PPM1H: variants seen among roughly 807,000 people sequenced by gnomAD.
PPM1H encodes the protein protein phosphatase 1H.
Under a neutral mutation model 54.9 loss-of-function variants are expected in PPM1H, and 27 were observed. The ratio of observed to expected loss-of-function variants is 0.49; its 90% CI spans 0.36 to 0.68. The LOEUF (loss-of-function observed/expected upper bound fraction) is 0.68, where lower values mean the gene tolerates loss of function less well. Ranked by LOEUF, PPM1H falls within the 30% of genes least tolerant of loss-of-function variation. The pLI, the probability that PPM1H is intolerant of heterozygous loss-of-function variation, is 0.00. For missense variants in PPM1H, 596 were observed against 667.8 expected (o/e 0.89, Z 1.19); for synonymous variants, 305 against 270.8 (o/e 1.13, Z -1.24).
intron 9 of PPM1H, among the ~76,000 whole-genome samples, chr12:62,649,522 C>A (rs971939472): frequency 1.3e-5 from 2 of 152,160 alleles, no homozygotes; most frequent in African/African-American, 4.8e-5. Flanking sequence ...TATCCAAACA[C>A]TGACCAGAGC....
intron 2 of PPM1H, among the ~76,000 whole-genome samples, chr12:62,809,927 T>C (rs924484795): frequency 7.9e-5 from 12 of 152,098 alleles, no homozygotes; most frequent in Admixed American, 6.5e-4. Context: ...CTTGGAAAAC[T>C]ATCCTTCGGT....
chr12:62,720,134 C>T (rs1258398833), intron 6 of PPM1H, 37 bp downstream of exon 6: 1 of 1,497,244 alleles, frequency 6.7e-7, no homozygotes, highest in Non-Finnish European at 9.3e-7. Context: ...TTCACACACA[C>T]TGTGTGGTTC....
At chr12:62,737,377 T>C in intron 5 of PPM1H, 125 bp downstream of exon 5, 1 of 562,810 alleles carries the variant, frequency 1.8e-6, no homozygotes, top group South Asian at 2.6e-5. Context: ...TGTGGGGGAG[T>C]TAATACCATA....
chr12:62,772,076 C>A (rs2076582663), intron 4 of PPM1H, among the ~76,000 whole-genome samples: 1 of 152,172 alleles, frequency 6.6e-6, no homozygotes, highest in South Asian at 2.1e-4. Context: ...AGGATTCAAT[C>A]CTGGGCCATT....
At chr12:62,931,969 G>A (rs1411153728) in intron 1 of PPM1H, among the ~76,000 whole-genome samples, 1 of 151,874 alleles carries the variant, frequency 6.6e-6, no homozygotes, top group African/African-American at 2.4e-5. Context: ...AAAAAGAAAC[G>A]CATGATATGT....
chr12:62,820,172 A>G (rs543760675), intron 2 of PPM1H, among the ~76,000 whole-genome samples: 1 of 152,324 alleles, frequency 6.6e-6, no homozygotes, highest in Admixed American at 6.5e-5. Context: ...TCTGAGATCA[A>G]CCGGTGAGGC....
chr12:62,907,599 T>C (rs1024804895), intron 1 of PPM1H, among the ~76,000 whole-genome samples: 1 of 152,214 alleles, frequency 6.6e-6, no homozygotes, highest in African/African-American at 2.4e-5. Context: ...AAAAATGTTC[T>C]AGTCTAAGTC....
chr12:62,811,859 A>C (rs147667873), intron 2 of PPM1H, among the ~76,000 whole-genome samples: 106 of 152,280 alleles, frequency 7.0e-4, no homozygotes, highest in African/African-American at 2.4e-3. Context: ...AAATCACCCA[A>C]TCTCTGGTAT....
At chr12:62,835,021 T>A (rs1351764657) in intron 1 of PPM1H, among the ~76,000 whole-genome samples, 2 of 152,184 alleles carry the variant, frequency 1.3e-5, no homozygotes, top group East Asian at 3.9e-4. Flanking sequence ...TCCTGGATGC[T>A]ATTTCCAGAA....
At chr12:62,852,491 A>T (rs1869232570) in intron 1 of PPM1H, among the ~76,000 whole-genome samples, 1 of 152,124 alleles carries the variant, frequency 6.6e-6, no homozygotes, top group African/African-American at 2.4e-5. Context: ...TTTATGTACC[A>T]CTCAGTCTGC....
intron 2 of PPM1H, among the ~76,000 whole-genome samples, chr12:62,804,670 T>TC (rs2076794367): frequency 1.4e-5 from 2 of 142,010 alleles, no homozygotes; most frequent in African/African-American, 5.5e-5. Flanking sequence ...TAATTTCTTT[T>TC]TTTTTCTTTT....
chr12:62,729,457 TTAAA>T (rs1259599428), intron 5 of PPM1H, among the ~76,000 whole-genome samples: 2 of 152,236 alleles, frequency 1.3e-5, no homozygotes, highest in East Asian at 3.9e-4. Flanking sequence ...ATACATGGAG[TTAAA>T]TAAAGTGAAA....
At chr12:62,783,736 C>T (rs537650879) in intron 4 of PPM1H, among the ~76,000 whole-genome samples, 2 of 152,354 alleles carry the variant, frequency 1.3e-5, no homozygotes, top group South Asian at 4.1e-4. Context: ...GCCGCTATTA[C>T]TATAAGTCTG....
chr12:62,718,805 G>GGGTT (rs1565767333), intron 6 of PPM1H, among the ~76,000 whole-genome samples: 1 of 152,156 alleles, frequency 6.6e-6, no homozygotes, highest in Non-Finnish European at 1.5e-5. Context: ...AACCCAGTCA[G>GGGTT]GGTTGGTATG....
At chr12:62,830,433 T>C (rs1024026147) in intron 2 of PPM1H, among the ~76,000 whole-genome samples, 2 of 152,066 alleles carry the variant, frequency 1.3e-5, no homozygotes, top group African/African-American at 4.8e-5. Context: ...TTTTTTGTAT[T>C]TTTAGTAGAG....
chr12:62,783,829 C>G (rs551527971), intron 4 of PPM1H, among the ~76,000 whole-genome samples: 1 of 152,214 alleles, frequency 6.6e-6, no homozygotes, highest in Non-Finnish European at 1.5e-5. Context: ...GTTGCTAAAC[C>G]TTTAGACATT....
At chr12:62,930,987 A>G (rs114029502) in intron 1 of PPM1H, among the ~76,000 whole-genome samples, 1,772 of 152,310 alleles carry the variant, frequency 0.012, 37 homozygotes, top group African/African-American at 0.04. Context: ...GAAAATCTTC[A>G]GTTTCTGCAA....
chr12:62,871,682 T>C (rs149732014), intron 1 of PPM1H, among the ~76,000 whole-genome samples: 3 of 151,950 alleles, frequency 2.0e-5, no homozygotes, highest in African/African-American at 7.3e-5. Flanking sequence ...ATCTGGCTAG[T>C]TTTTTGTATT....
chr12:62,873,663 C>T (rs559349963), intron 1 of PPM1H, among the ~76,000 whole-genome samples: 15 of 152,254 alleles, frequency 9.9e-5, no homozygotes, highest in African/African-American at 3.6e-4. Flanking sequence ...AGAGGACTCG[C>T]ACTAACCCAT....
Sources: allele counts gnomAD v4.1 joint callset (sites outside exome capture counted in the v4.1 genomes callset), GRCh38; gene constraint gnomAD v4.1.1; transcripts MANE v1.5; gene names NCBI Gene and HGNC (gene_info 2026-07-23, HGNC 2026-07-21).